SH3GL1: variants seen among roughly 807,000 people sequenced by gnomAD.
SH3GL1 encodes the protein endophilin-A2.
A neutral mutation model predicts 48.8 loss-of-function variants in SH3GL1; 21 were observed. The observed-to-expected ratio is 0.43, with a 90% confidence interval of 0.30 to 0.62. The LOEUF is 0.62. Ranked by LOEUF, SH3GL1 falls within the 20% of genes least tolerant of loss-of-function variation. The pLI is 0.11. For missense variants in SH3GL1, 454 were observed against 503.0 expected (o/e 0.90, Z 0.93); for synonymous variants, 282 against 217.5 (o/e 1.30, Z -2.61).
intron 3 of SH3GL1, 148 bp downstream of exon 3, chr19:4,366,353 G>A (rs1972778996): frequency 3.1e-6 from 2 of 652,996 alleles, no homozygotes; most frequent in East Asian, 5.4e-5. Context: ...GCAGCATGCA[G>A]CACCAAGGAT....
intron 1 of SH3GL1, among the ~76,000 whole-genome samples, chr19:4,398,834 G>C (rs1259130068): frequency 6.6e-6 from 1 of 152,106 alleles, no homozygotes; most frequent in African/African-American, 2.4e-5. Flanking sequence ...ACTTAGGCTG[G>C]GATGCAGCAT....
intron 1 of SH3GL1, among the ~76,000 whole-genome samples, chr19:4,388,647 G>T (rs72988712): frequency 6.6e-6 from 1 of 152,200 alleles, no homozygotes; most frequent in Non-Finnish European, 1.5e-5. Flanking sequence ...CTGGAGGCTG[G>T]GAGTGGTTTA....
chr19:4,375,164 C>T (rs535827896), intron 1 of SH3GL1, among the ~76,000 whole-genome samples: 16 of 152,250 alleles, frequency 1.1e-4, no homozygotes, highest in Admixed American at 2.6e-4. Flanking sequence ...GTCTGTGGTG[C>T]GAGGCTGACC....
rs767791927 is a variant in SH3GL1, at chr19:4,364,207, C to G, written c.346G>C (p.Asp116His). 5 of 1,613,934 alleles carry G rather than the reference C, an allele frequency of 3.1e-6. No individual in the cohort carries two copies. Among genetic ancestry groups the G allele is most frequent in the East Asian group, 4.5e-5 (2 of 44,888 alleles). Residue 116 changes from aspartate (D) to histidine (H), a missense_variant, in exon 5 of 10, where the codon GAT becomes CAT. This residue lies in a region of SH3GL1 where 176 missense variants were observed against 256.2 expected (regional missense o/e 0.69). Transcript: ENST00000269886. ...AGGCGCTTCATGGACTCGCCGGCAT[C>G]CAGCAATGCGTCACCTGTGGAGAAG... is the stretch of plus-strand genomic sequence containing the variant. Reference protein sequence around the residue: ...GESNFGDALLDAGESMKRLAE... With the variant: ...GESNFGDALLHAGESMKRLAE...
chr19:4,397,920 C>T (rs1326857022), intron 1 of SH3GL1, among the ~76,000 whole-genome samples: 1 of 152,186 alleles, frequency 6.6e-6, no homozygotes, highest in East Asian at 1.9e-4. Flanking sequence ...GATCATAGTT[C>T]ACTGCAGCCT....
chr19:4,399,585 C>G (rs1973485499), intron 1 of SH3GL1, among the ~76,000 whole-genome samples: 1 of 152,146 alleles, frequency 6.6e-6, no homozygotes, highest in African/African-American at 2.4e-5. Context: ...TGGGTGGAGG[C>G]CAGGGGCGCT....
At chr19:4,365,664 C>T in intron 3 of SH3GL1, 39 bp from the exon 4 acceptor site, 2 of 1,610,944 alleles carry the variant, frequency 1.2e-6, no homozygotes, top group Non-Finnish European at 8.5e-7. Context: ...GCTGTGAGGC[C>T]TGCACTCCTC....
intron 9 of SH3GL1, 128 bp from the exon 10 acceptor site, chr19:4,361,924 A>AC: frequency 1.5e-6 from 1 of 677,294 alleles, no homozygotes; most frequent in South Asian, 1.8e-5. Flanking sequence ...TGCCTGGGCC[A>AC]CCCCCTGCCC....
At position 4,375,698 on chromosome 19, in the gene SH3GL1, C is replaced by G. The variant is rs145210772; in HGVS notation, c.46-8704G>C. ...CCTCATGCATCATGCATTGTAATTT[C>G]TCATCTTGGGGACCAGGCAGGAGGG... is the stretch of plus-strand genomic sequence containing the variant. On this transcript the variant is annotated intron_variant, in intron 1 of 9. Transcript: ENST00000269886. Among the ~76,000 whole-genome samples the G allele has an allele frequency of 4.9e-4, 75 of 152,354 alleles. No individual in the cohort carries two copies. The East Asian group carries it at 5.2e-3, about 11-fold the overall frequency.
chr19:4,361,075 A>G lies in SH3GL1; in HGVS notation c.*525T>C, dbSNP rs1972594512. ...GAGTGCGTGTGTGAGGCGGGGGTGC[A>G]TTGGCCCTGGAGTAGGGCCAGGGCC... On this transcript the variant is annotated 3_prime_UTR_variant, in exon 10 of 10. Transcript: ENST00000269886. 8.5e-6 allele frequency: 2 copies of G among 236,118 alleles called. No homozygotes were observed. Among genetic ancestry groups the G allele is most frequent in the African/African-American group, 4.4e-5 (2 of 45,274 alleles). The allele number at this position is 236,118 out of a possible 1,614,324, so 14.6% of individuals were successfully genotyped here.
At chr19:4,370,111 C>T (rs570277831) in intron 1 of SH3GL1, among the ~76,000 whole-genome samples, 1 of 152,332 alleles carries the variant, frequency 6.6e-6, no homozygotes, top group South Asian at 2.1e-4. Context: ...CACCAGAGGG[C>T]GCCTCTGGGC....
chr19:4,371,078 C>T (rs1288699985), intron 1 of SH3GL1, among the ~76,000 whole-genome samples: 2 of 152,270 alleles, frequency 1.3e-5, no homozygotes, highest in Non-Finnish European at 1.5e-5. Context: ...AAGCTGGACA[C>T]GAAGATGGGG....
intron 1 of SH3GL1, among the ~76,000 whole-genome samples, chr19:4,368,456 TG>T (rs1172043433): frequency 6.6e-6 from 1 of 152,176 alleles, no homozygotes; most frequent in Non-Finnish European, 1.5e-5. Context: ...TGAGTGCAAA[TG>T]CCCCCAACCC....
intron 1 of SH3GL1, among the ~76,000 whole-genome samples, chr19:4,371,371 C>T (rs1055772555): frequency 6.6e-6 from 1 of 152,226 alleles, no homozygotes; most frequent in African/African-American, 2.4e-5. Flanking sequence ...GTGGTGGCCA[C>T]TTGGCAGGAG....
At chr19:4,380,655 G>A (rs886891037) in intron 1 of SH3GL1, among the ~76,000 whole-genome samples, 2 of 152,306 alleles carry the variant, frequency 1.3e-5, no homozygotes, top group East Asian at 1.9e-4. Flanking sequence ...CAGGACAGTC[G>A]GCGGTTTTGA....
intron 1 of SH3GL1, among the ~76,000 whole-genome samples, chr19:4,383,814 C>A (rs1973184119): frequency 6.6e-6 from 1 of 152,144 alleles, no homozygotes; most frequent in Non-Finnish European, 1.5e-5. Flanking sequence ...CGGGAAAAGG[C>A]AGCGTGATCC....
At chr19:4,379,056 A>G (rs1973068319) in intron 1 of SH3GL1, among the ~76,000 whole-genome samples, 1 of 152,204 alleles carries the variant, frequency 6.6e-6, no homozygotes, top group African/African-American at 2.4e-5. Context: ...CAGATCAGCC[A>G]CAGAGTCAAG....
intron 1 of SH3GL1, among the ~76,000 whole-genome samples, chr19:4,387,074 C>T (rs1973249503): frequency 6.6e-6 from 1 of 151,726 alleles, no homozygotes. Context: ...GTAGCTGGGA[C>T]TACAGGTGCC....
At chr19:4,369,839 G>C (rs562292748) in intron 1 of SH3GL1, among the ~76,000 whole-genome samples, 2 of 152,240 alleles carry the variant, frequency 1.3e-5, no homozygotes, top group Non-Finnish European at 2.9e-5. Flanking sequence ...CACTGGGCAG[G>C]GGACACAACC....
Sources: gnomAD v4.1 joint callset for allele counts (sites outside exome capture counted in the v4.1 genomes callset) on GRCh38, gnomAD v4.1.1 for gene constraint, gnomAD v4.1.1 regional missense constraint, MANE v1.5 for transcripts, NCBI Gene and HGNC (gene_info 2026-07-23, HGNC 2026-07-21) for gene names.